GRIN2A: variants seen among roughly 807,000 people sequenced by gnomAD.
GRIN2A encodes the protein glutamate receptor ionotropic, NMDA 2A.
In GRIN2A, 22 loss-of-function variants were observed where a neutral mutation model predicts 113.4. The observed-to-expected ratio is 0.19, with a 90% CI of 0.14 to 0.28. The LOEUF (loss-of-function observed/expected upper bound fraction) is 0.28, where lower values mean the gene tolerates loss of function less well. Ranked by LOEUF, GRIN2A falls within the 10% of genes least tolerant of loss-of-function variation. The probability of loss-of-function intolerance (pLI) is 1.00; values close to 1 mark genes in which losing one functional copy is unlikely to be tolerated. For synonymous variants in GRIN2A, 827 were observed against 738.4 expected, an observed-to-expected ratio of 1.12 and a Z score of -1.94; for missense variants, 1,502 against 1,887.0, an observed-to-expected ratio of 0.80 and a Z score of 3.78.
intron 2 of GRIN2A, among the ~76,000 whole-genome samples, chr16:10,150,364 C>A (rs2049542249): frequency 1.3e-5 from 2 of 152,292 alleles, no homozygotes; most frequent in South Asian, 4.2e-4. Flanking sequence ...AAGGTGGGAA[C>A]AAGGGCTTCA....
At chr16:10,079,722 A>C (rs1383740630) in intron 2 of GRIN2A, among the ~76,000 whole-genome samples, 1 of 152,346 alleles carries the variant, frequency 6.6e-6, no homozygotes, top group South Asian at 2.1e-4. Flanking sequence ...CTACAGAACT[A>C]TAAGAAATAG....
chr16:10,050,988 G>C (rs1388691098), intron 2 of GRIN2A, among the ~76,000 whole-genome samples: 3 of 152,192 alleles, frequency 2.0e-5, no homozygotes. Flanking sequence ...CAATAGGAAA[G>C]TAAGAGACCC....
chr16:9,937,548 T>C (rs1241673845), intron 3 of GRIN2A, among the ~76,000 whole-genome samples: 2 of 152,206 alleles, frequency 1.3e-5, no homozygotes, highest in Non-Finnish European at 2.9e-5. Context: ...CCTACCATTA[T>C]GCAGACTGGA....
At position 9,908,794 on chromosome 16, in the gene GRIN2A, A is replaced by G. The variant is rs139657485; in HGVS notation, c.1008-17694T>C. On this transcript the variant is annotated intron_variant, in intron 3 of 12. Coordinates refer to ENST00000330684, the MANE Select transcript of GRIN2A (RefSeq NM_001134407.3). Reference sequence around the variant, plus strand: ...GAGAGTGGCAAGATGGATTGCGTCCAGAGCTGGGCGAGCAGCAAACAGGAA... The same window carrying G: ...GAGAGTGGCAAGATGGATTGCGTCCGGAGCTGGGCGAGCAGCAAACAGGAA... 3.0e-3 allele frequency among the ~76,000 whole-genome samples: 463 copies of G among 152,352 alleles called. 2 individuals carry two copies. Among genetic ancestry groups the G allele is most frequent in the African/African-American group, 0.01 (425 of 41,586 alleles).
rs1056877060 is a variant in GRIN2A at position 9,967,828 on chromosome 16, A to G, written c.415-29277T>C. Among the ~76,000 whole-genome samples the G allele has an allele frequency of 3.3e-5, 5 of 152,286 alleles. No homozygotes were observed. In the South Asian group the frequency reaches 1.0e-3, roughly 32 times the overall value. On this transcript the variant is annotated intron_variant, in intron 2 of 12. Transcript: ENST00000330684. ...TGATGGGTGCACCAAAATCTCAGAA[A>G]TGACCACTAAACAACTTATCCCTGT...
chr16:9,980,698 G>A (rs548249966), intron 2 of GRIN2A, among the ~76,000 whole-genome samples: 12 of 152,036 alleles, frequency 7.9e-5, no homozygotes, highest in Non-Finnish European at 1.5e-5. Flanking sequence ...GGACATGGAT[G>A]AAGGCTGGAA....
intron 2 of GRIN2A, among the ~76,000 whole-genome samples, chr16:9,992,364 A>G (rs538826482): frequency 6.6e-6 from 1 of 152,308 alleles, no homozygotes; most frequent in African/African-American, 2.4e-5. Flanking sequence ...GTGAAGATGG[A>G]ACAGGGAAGA....
chr16:9,997,624 G>A (rs1329300735), intron 2 of GRIN2A, among the ~76,000 whole-genome samples: 2 of 152,088 alleles, frequency 1.3e-5, no homozygotes, highest in Admixed American at 1.3e-4. Context: ...TCAAACCTCT[G>A]TCTATGCATT....
In GRIN2A at chr16:9,763,187, C is replaced by G; in HGVS notation, c.4357G>C (p.Val1453Leu). The G allele has an allele frequency of 6.2e-7, 1 of 1,613,806 alleles. No homozygotes were observed. Among genetic ancestry groups the G allele is most frequent in the South Asian group, 1.1e-5 (1 of 91,076 alleles). The change falls in exon 13 of 13, where the codon GTG (valine) becomes CTG (leucine). Residue 1453 changes from valine (V) to leucine (L), a missense_variant. By Grantham distance (32) the Val-to-Leu change is conservative. Transcript: ENST00000330684. ...RVLNSCSNRR[V>L]YKKMPSIESD... Reference sequence around the variant, plus strand: ...TCGATACTAGGCATTTTCTTGTACACGCGTCTATTGCTGCAGGAATTTAAA... The same window carrying G: ...TCGATACTAGGCATTTTCTTGTACAGGCGTCTATTGCTGCAGGAATTTAAA...
intron 2 of GRIN2A, among the ~76,000 whole-genome samples, chr16:10,159,724 T>C (rs1224222567): frequency 2.0e-5 from 3 of 152,206 alleles, no homozygotes; most frequent in Non-Finnish European, 4.4e-5. Context: ...ATATATATTA[T>C]TTTATAGATA....
intron 2 of GRIN2A, among the ~76,000 whole-genome samples, chr16:10,016,409 C>T (rs1443270676): frequency 1.3e-5 from 2 of 152,034 alleles, no homozygotes; most frequent in African/African-American, 4.8e-5. Context: ...TCCACACATG[C>T]ATGGGAAAGA....
At chr16:10,083,584 C>T (rs2048025885) in intron 2 of GRIN2A, among the ~76,000 whole-genome samples, 1 of 152,236 alleles carries the variant, frequency 6.6e-6, no homozygotes, top group Admixed American at 6.5e-5. Context: ...GCATCCTGGA[C>T]TGAACTTACC....
At chr16:9,874,447 G>C (rs1003353213) in intron 4 of GRIN2A, among the ~76,000 whole-genome samples, 1 of 152,222 alleles carries the variant, frequency 6.6e-6, no homozygotes. Flanking sequence ...CTCAGAAACA[G>C]ACATGTGGTT....
chr16:9,892,088 G>T (rs1487465675), intron 3 of GRIN2A, among the ~76,000 whole-genome samples: 4 of 151,982 alleles, frequency 2.6e-5, no homozygotes, highest in African/African-American at 7.3e-5. Flanking sequence ...AAAATTAGCT[G>T]GGCATGGTGG....
intron 12 of GRIN2A, 23 bp downstream of exon 12, chr16:9,768,828 A>G (rs745770143): frequency 1.3e-6 from 2 of 1,549,612 alleles, no homozygotes; most frequent in Non-Finnish European, 1.8e-6. Flanking sequence ...CAGTGCAAGA[A>G]AGTAGCCACC....
At chr16:9,792,699 G>A (rs1902689036) in intron 11 of GRIN2A, among the ~76,000 whole-genome samples, 1 of 152,144 alleles carries the variant, frequency 6.6e-6, no homozygotes, top group Admixed American at 6.6e-5. Flanking sequence ...CAGACTAGAT[G>A]TCAGGGATGA....
At chr16:9,996,049 A>AG (rs1308560305) in intron 2 of GRIN2A, among the ~76,000 whole-genome samples, 7 of 132,092 alleles carry the variant, frequency 5.3e-5, no homozygotes, top group African/African-American at 1.7e-4. Flanking sequence ...AAAAAAAAAA[A>AG]AAAGAAAGAA....
In GRIN2A at chr16:9,763,909, G is replaced by T. The variant is rs1042202486; in HGVS notation, c.3635C>A (p.Thr1212Lys). Reference sequence around the variant, plus strand: ...GTTGGAAAGGCAGCTTCTGCAGTGCGTGGAGTTCTGCCGGTATCGCTCGCT... The same window carrying T: ...GTTGGAAAGGCAGCTTCTGCAGTGCTTGGAGTTCTGCCGGTATCGCTCGCT... ...ETSERYRQNS[T>K]HCRSCLSNMP... The change falls in exon 13 of 13, where the codon ACG becomes AAG. Residue 1212 changes from threonine to lysine, a missense_variant. Thr to Lys is a moderately conservative substitution (Grantham distance 78, BLOSUM62 -1). This residue lies in a region of GRIN2A where 832 missense variants were observed against 789.7 expected (regional missense o/e 1.05). Transcript: ENST00000330684. 2.5e-6 allele frequency: 4 copies of T among 1,613,980 alleles called. No individual in the cohort carries two copies. The highest frequency in any genetic ancestry group is 1.3e-5 in the African/African-American group (1 of 74,928).
rs531659457 is a variant in GRIN2A at position 10,044,022 on chromosome 16, T to TATATATAGAGAG, written c.415-105472_415-105471insCTCTCTATATAT. ...GTGTGTGTGTGTATATATATATATATAGAGAGAGAGAGAGAGAGAGAGAGA... is the reference window on the plus strand; with the variant it reads ...GTGTGTGTGTGTATATATATATATATATATATAGAGAGAGAGAGAGAGAGAGAGAGAGAGAGA... On this transcript the variant is annotated intron_variant, in intron 2 of 12. Coordinates refer to ENST00000330684, the MANE Select transcript of GRIN2A (RefSeq NM_001134407.3). 1.6e-3 allele frequency among the ~76,000 whole-genome samples: 177 copies of TATATATAGAGAG among 107,934 alleles called. 1 individual carries two copies. Among genetic ancestry groups the TATATATAGAGAG allele is most frequent in the East Asian group, 7.2e-3 (18 of 2,492 alleles). The allele number at this position is 107,934 out of a possible 152,430, so 70.8% of individuals were successfully genotyped here. A position where few individuals can be genotyped will look rare whatever the true frequency, so the allele number is the denominator to read the frequency against.
Sources: allele counts gnomAD v4.1 joint callset (sites outside exome capture counted in the v4.1 genomes callset), GRCh38; gene constraint gnomAD v4.1.1; regional missense constraint gnomAD v4.1.1; transcripts MANE v1.5; gene names NCBI Gene and HGNC (gene_info 2026-07-23, HGNC 2026-07-21).